Variants in PHLPP1 observed in about 807,000 individuals in gnomAD.
PHLPP1 encodes the protein PH domain and leucine rich repeat protein phosphatase 1.
A neutral mutation model predicts 117.2 loss-of-function variants in PHLPP1; 42 were observed. The ratio of observed to expected loss-of-function variants is 0.36; its 90% CI spans 0.28 to 0.46. The LOEUF (loss-of-function observed/expected upper bound fraction) is 0.46, where lower values mean the gene tolerates loss of function less well. PHLPP1 is among the 20% of genes least tolerant of loss of function. PHLPP1 has a pLI of 1.00. For synonymous variants in PHLPP1, 1,042 were observed against 970.7 expected (o/e 1.07, Z -1.37); for missense variants, 2,084 against 2,241.9 (o/e 0.93, Z 1.42).
intron 1 of PHLPP1, among the ~76,000 whole-genome samples, chr18:62,815,197 G>C (rs1008209560): frequency 9.9e-5 from 13 of 131,590 alleles, no homozygotes; most frequent in African/African-American, 3.8e-4. Flanking sequence ...TTGCTCTGTT[G>C]CCCAGGCTGG....
intron 1 of PHLPP1, among the ~76,000 whole-genome samples, chr18:62,821,548 C>CAAAAAAAA (rs1568127680): frequency 2.0e-4 from 6 of 29,312 alleles, no homozygotes; most frequent in Admixed American, 1.0e-3. Context: ...GACCCTTTAT[C>CAAAAAAAA]CAAAAAAAAA....
chr18:62,754,521 T>TGA (rs368321241), intron 1 of PHLPP1, among the ~76,000 whole-genome samples: 356 of 152,362 alleles, frequency 2.3e-3, no homozygotes, highest in African/African-American at 8.0e-3. Context: ...CAGTTAACGC[T>TGA]GAGAGAGCAA....
rs183969618 is a variant in PHLPP1, at chr18:62,717,978, A to G, written c.1576+719A>G. Among the ~76,000 whole-genome samples, 983 of 152,298 alleles carry G rather than the reference A, an allele frequency of 6.5e-3. 4 individuals are homozygous for G. The highest frequency in any genetic ancestry group is 9.4e-3 in the Non-Finnish European group (638 of 68,026). ...TGACCACCGCAATACGCCTTGCAGG[A>G]AGGTTCACAAGAAGGATTTAAGTGG... On this transcript the variant is annotated intron_variant, in intron 1 of 16. Coordinates refer to ENST00000262719, the MANE Select transcript of PHLPP1 (RefSeq NM_194449.4).
At chr18:62,805,402 A>C (rs1242585553) in intron 1 of PHLPP1, among the ~76,000 whole-genome samples, 1 of 152,114 alleles carries the variant, frequency 6.6e-6, no homozygotes, top group Non-Finnish European at 1.5e-5. Context: ...TACACTGTAT[A>C]TATTATACAG....
chr18:62,721,452 G>GTGTGTA (rs1265450289), intron 1 of PHLPP1, among the ~76,000 whole-genome samples: 1 of 151,970 alleles, frequency 6.6e-6, no homozygotes, highest in Non-Finnish European at 1.5e-5. Flanking sequence ...GTGTGTGTGT[G>GTGTGTA]TGTGTATGTG....
intron 14 of PHLPP1, among the ~76,000 whole-genome samples, chr18:62,971,361 A>ATT (rs569119061): frequency 1.5e-5 from 2 of 137,666 alleles, no homozygotes; most frequent in Non-Finnish European, 3.2e-5. Context: ...TCCTGGCCTT[A>ATT]TTTTTTTTTT....
chr18:62,830,263 CAG>C (rs1914720801), intron 2 of PHLPP1, 32 bp downstream of exon 2: 2 of 1,518,832 alleles, frequency 1.3e-6, no homozygotes, highest in South Asian at 2.5e-5. Flanking sequence ...TTTATTGAGT[CAG>C]AGTCTCACTC....
intron 10 of PHLPP1, among the ~76,000 whole-genome samples, 181 bp downstream of exon 10, chr18:62,920,295 C>A (rs183177751): frequency 1.5e-4 from 23 of 152,278 alleles, no homozygotes; most frequent in Non-Finnish European, 2.6e-4. Context: ...TCAGGAGCAA[C>A]CTATAGATTC....
chr18:62,889,952 C>A (rs1916367387), intron 4 of PHLPP1, among the ~76,000 whole-genome samples: 1 of 152,146 alleles, frequency 6.6e-6, no homozygotes, highest in African/African-American at 2.4e-5. Flanking sequence ...AGTCCCATTT[C>A]AGGTGCCCAA....
In PHLPP1 at chr18:62,895,168, C is replaced by G; in HGVS notation, c.2213+11C>G. On this transcript the variant is annotated intron_variant, in intron 5 of 16. Transcript: ENST00000262719. ...TGGAGTGATGCACAAGTGTGTACTT[C>G]AAACCCCACTGGCGGGTATATCCAG... 6.2e-7 allele frequency: 1 copy of G among 1,611,868 alleles called. No homozygotes were observed. The highest frequency in any genetic ancestry group is 8.5e-7 in the Non-Finnish European group (1 of 1,178,694).
chr18:62,866,486 C>A (rs1470761963), intron 4 of PHLPP1, among the ~76,000 whole-genome samples: 1 of 152,144 alleles, frequency 6.6e-6, no homozygotes, highest in South Asian at 2.1e-4. Context: ...CTCAGGTAGT[C>A]CACCCATCTT....
intron 4 of PHLPP1, among the ~76,000 whole-genome samples, chr18:62,882,471 C>G (rs1667163605): frequency 6.6e-6 from 1 of 152,010 alleles, no homozygotes; most frequent in African/African-American, 2.4e-5. Context: ...CGGGGTTTCA[C>G]CATGGTCTCA....
intron 1 of PHLPP1, among the ~76,000 whole-genome samples, chr18:62,740,326 T>C (rs1000527815): frequency 1.3e-5 from 2 of 152,208 alleles, no homozygotes; most frequent in Non-Finnish European, 2.9e-5. Context: ...GATTTGATTT[T>C]TTTCTTATGA....
intron 6 of PHLPP1, among the ~76,000 whole-genome samples, chr18:62,902,166 T>C (rs1916740157): frequency 6.6e-6 from 1 of 152,210 alleles, no homozygotes; most frequent in African/African-American, 2.4e-5. Flanking sequence ...TTCAGTCAGT[T>C]AGCTCACTAG....
intron 13 of PHLPP1, among the ~76,000 whole-genome samples, chr18:62,960,012 T>C (rs948928324): frequency 2.0e-5 from 3 of 152,220 alleles, no homozygotes; most frequent in Admixed American, 6.5e-5. Context: ...ACGTGATCTT[T>C]AAGGTACTTT....
chr18:62,979,496 T>C lies in PHLPP1; in HGVS notation c.*65T>C. On this transcript the variant is annotated 3_prime_UTR_variant, in exon 17 of 17. Coordinates refer to ENST00000262719, the MANE Select transcript of PHLPP1 (RefSeq NM_194449.4). ...ACTGAGTTGCAAGAGTCTCCCAGGC[T>C]CACATTAAACCAGGGGTTTTACTCC... The C allele has an allele frequency of 6.6e-7, 1 of 1,504,386 alleles. No individual in the cohort carries two copies. Among genetic ancestry groups the C allele is most frequent in the Non-Finnish European group, 8.9e-7 (1 of 1,120,646 alleles). The allele number at this position is 1,504,386 out of a possible 1,614,324, so 93.2% of individuals were successfully genotyped here.
chr18:62,781,078 T>G (rs1913105479), intron 1 of PHLPP1, among the ~76,000 whole-genome samples: 1 of 152,230 alleles, frequency 6.6e-6, no homozygotes, highest in Non-Finnish European at 1.5e-5. Flanking sequence ...AAGGTTAGCT[T>G]TACCACTTAT....
At chr18:62,972,852 T>G in intron 15 of PHLPP1, 144 bp downstream of exon 15, 1 of 649,882 alleles carries the variant, frequency 1.5e-6, no homozygotes. Flanking sequence ...GCAAGTTTGG[T>G]GTTGCCCAGG....
chr18:62,842,506 C>T (rs533966096), intron 3 of PHLPP1, among the ~76,000 whole-genome samples: 103 of 152,088 alleles, frequency 6.8e-4, no homozygotes, highest in African/African-American at 2.2e-3. Flanking sequence ...GGATTACAGG[C>T]GTGCGCCACC....
Sources: allele counts gnomAD v4.1 joint callset (sites outside exome capture counted in the v4.1 genomes callset), GRCh38; gene constraint gnomAD v4.1.1; transcripts MANE v1.5; gene names NCBI Gene and HGNC (gene_info 2026-07-23, HGNC 2026-07-21).